The following DGKB variants were observed in gnomAD, a reference collection of about 807,000 sequenced individuals.
The protein encoded by DGKB is 90 kDa diacylglycerol kinase.
DGKB carries 67 observed loss-of-function variants against 114.3 expected under a neutral mutation model. The observed-to-expected ratio is 0.59, with a 90% confidence interval of 0.48 to 0.72. The LOEUF is 0.72. DGKB is among the 30% of genes least tolerant of loss of function. DGKB has a pLI of 0.00. For missense variants in DGKB, 907 were observed against 975.2 expected, an observed-to-expected ratio of 0.93 and a Z score of 0.93; for synonymous variants, 398 against 323.1, an observed-to-expected ratio of 1.23 and a Z score of -2.49.
At chr7:14,210,280 G>T (rs942503360) in intron 23 of DGKB, among the ~76,000 whole-genome samples, 1 of 152,022 alleles carries the variant, frequency 6.6e-6, no homozygotes, top group Non-Finnish European at 1.5e-5. Context: ...GTTACTGGGG[G>T]CAAATGCCTG....
intron 1 of DGKB, among the ~76,000 whole-genome samples, chr7:14,870,172 G>A (rs1033902525): frequency 1.3e-5 from 2 of 151,914 alleles, no homozygotes; most frequent in African/African-American, 4.8e-5. Context: ...CTAACACCCA[G>A]GCCCACAGAG....
At chr7:14,492,761 A>C (rs1349330969) in intron 20 of DGKB, among the ~76,000 whole-genome samples, 3 of 152,152 alleles carry the variant, frequency 2.0e-5, no homozygotes, top group Admixed American at 2.0e-4. Flanking sequence ...ATAAGGGCCA[A>C]GAAATTTAAA....
chr7:14,283,197 C>T (rs1023168404), intron 23 of DGKB, among the ~76,000 whole-genome samples: 3 of 151,678 alleles, frequency 2.0e-5, no homozygotes, highest in African/African-American at 7.3e-5. Flanking sequence ...GCAAAAATCA[C>T]AAGCATTCCT....
At chr7:14,413,404 A>G (rs981627744) in intron 21 of DGKB, among the ~76,000 whole-genome samples, 4 of 152,178 alleles carry the variant, frequency 2.6e-5, no homozygotes, top group African/African-American at 9.6e-5. Flanking sequence ...TTTTACATGT[A>G]AAAATTTAAA....
At chr7:14,748,286 C>A (rs1833645370) in intron 4 of DGKB, among the ~76,000 whole-genome samples, 1 of 151,950 alleles carries the variant, frequency 6.6e-6, no homozygotes, top group Non-Finnish European at 1.5e-5. Context: ...TCTACAATGT[C>A]TAATGGTATT....
chr7:14,559,460 T>C lies in DGKB; in HGVS notation c.1770+14752A>G, dbSNP rs537181834. Among the ~76,000 whole-genome samples, 13 of 152,244 alleles carry C rather than the reference T, an allele frequency of 8.5e-5. No homozygotes were observed. In the South Asian group the frequency reaches 1.7e-3, roughly 19 times the overall value. ...CTCTGTAAAGGTAGCTGACCTAAAA[T>C]ACAGGCAGTCTCTTTAGTATGCATT... On this transcript the variant is annotated intron_variant, in intron 20 of 25. Transcript: ENST00000402815.
intron 21 of DGKB, among the ~76,000 whole-genome samples, chr7:14,464,841 G>A (rs145156207): frequency 3.3e-5 from 5 of 152,200 alleles, no homozygotes; most frequent in African/African-American, 1.2e-4. Flanking sequence ...TTTTTGACCC[G>A]TTATTCATTT....
At chr7:14,301,692 C>A (rs1382615114) in intron 23 of DGKB, among the ~76,000 whole-genome samples, 1 of 151,736 alleles carries the variant, frequency 6.6e-6, no homozygotes, top group Non-Finnish European at 1.5e-5. Context: ...TAGGTGTGTA[C>A]ACACACACAC....
Position 14,255,198 on chromosome 7 carries a change from ACTC to A in DGKB, c.2123-77050_2123-77048del, listed in dbSNP as rs1397822061. Among the ~76,000 whole-genome samples the A allele has an allele frequency of 2.0e-5, 3 of 152,040 alleles. No homozygotes were observed. In the East Asian group the frequency reaches 5.8e-4, roughly 29 times the overall value. ...GTATTTGTAATCAACCAGCTTGAAA[ACTC>A]CTCTTGAAAGAAGATGTAAACTTGA... On this transcript the variant is annotated intron_variant, in intron 23 of 25. Transcript: ENST00000402815.
intron 20 of DGKB, among the ~76,000 whole-genome samples, chr7:14,567,867 A>C (rs898860264): frequency 1.3e-5 from 2 of 152,028 alleles, no homozygotes; most frequent in Non-Finnish European, 2.9e-5. Context: ...TTGGCCTCCC[A>C]AAGTGCTGGG....
chr7:14,913,134 T>C (rs921490141), intron 1 of DGKB, among the ~76,000 whole-genome samples: 1 of 152,112 alleles, frequency 6.6e-6, no homozygotes, highest in East Asian at 1.9e-4. Flanking sequence ...TGAGTCTTCA[T>C]ACTACTGTCC....
chr7:14,305,941 G>C (rs1390147477), intron 23 of DGKB, among the ~76,000 whole-genome samples: 1 of 152,052 alleles, frequency 6.6e-6, no homozygotes, highest in Non-Finnish European at 1.5e-5. Context: ...GAGAATAGAA[G>C]ACAGTGAAAG....
intron 16 of DGKB, among the ~76,000 whole-genome samples, chr7:14,612,919 T>C (rs1357779508): frequency 6.6e-6 from 1 of 152,186 alleles, no homozygotes; most frequent in Non-Finnish European, 1.5e-5. Context: ...CATCATGTTC[T>C]CCAAAATGCA....
At chr7:14,463,663 C>T (rs895720974) in intron 21 of DGKB, among the ~76,000 whole-genome samples, 5 of 152,116 alleles carry the variant, frequency 3.3e-5, no homozygotes, top group African/African-American at 1.2e-4. Context: ...ACATATTAGC[C>T]TTGCATCAAA....
chr7:14,965,894 CTT>C (rs1787116931), intron 1 of DGKB, among the ~76,000 whole-genome samples: 1 of 152,012 alleles, frequency 6.6e-6, no homozygotes, highest in African/African-American at 2.4e-5. Flanking sequence ...CCATTTTGCT[CTT>C]TTCATTACAT....
chr7:14,622,742 C>A (rs1436057426), intron 14 of DGKB, among the ~76,000 whole-genome samples: 2 of 151,990 alleles, frequency 1.3e-5, no homozygotes, highest in African/African-American at 4.8e-5. Context: ...TACACAAAAG[C>A]CAAACTCATC....
At chr7:14,969,105 A>T (rs1787320665) in intron 1 of DGKB, among the ~76,000 whole-genome samples, 1 of 152,214 alleles carries the variant, frequency 6.6e-6, no homozygotes, top group South Asian at 2.1e-4. Context: ...GATTATGGTG[A>T]TATCAGAGAA....
intron 21 of DGKB, among the ~76,000 whole-genome samples, chr7:14,372,199 A>G (rs1817770622): frequency 6.6e-6 from 1 of 152,070 alleles, no homozygotes; most frequent in African/African-American, 2.4e-5. Context: ...CCTCTCACCT[A>G]CCCGGGCTTC....
intron 17 of DGKB, among the ~76,000 whole-genome samples, chr7:14,584,588 C>T (rs539447321): frequency 1.3e-3 from 195 of 152,188 alleles, no homozygotes; most frequent in African/African-American, 4.5e-3. Context: ...CCTGGAGATG[C>T]GTAACCTGTC....
Sources: gnomAD v4.1 joint callset for allele counts (sites outside exome capture counted in the v4.1 genomes callset) on GRCh38, gnomAD v4.1.1 for gene constraint, MANE v1.5 for transcripts, NCBI Gene and HGNC (gene_info 2026-07-23, HGNC 2026-07-21) for gene names.